MREG: variants seen among roughly 807,000 people sequenced by gnomAD.
The protein encoded by MREG is dilute suppressor protein homolog.
MREG carries 31 observed loss-of-function variants against 28.5 expected under a neutral mutation model. The observed-to-expected ratio is 1.09, with a 90% CI of 0.82 to 1.47. The LOEUF is 1.47. MREG is among the 40% of genes most tolerant of loss of function. The pLI is 0.00. For missense variants in MREG, 256 were observed against 257.4 expected (o/e 0.99, Z 0.04); for synonymous variants, 106 against 95.2 (o/e 1.11, Z -0.66).
intron 1 of MREG, among the ~76,000 whole-genome samples, chr2:216,002,740 T>C (rs1369241119): frequency 6.6e-6 from 1 of 152,150 alleles, no homozygotes; most frequent in East Asian, 1.9e-4. Context: ...ATCTTCTCCC[T>C]CTCCATCCTC....
intron 2 of MREG, among the ~76,000 whole-genome samples, chr2:215,949,072 CTACTACTACTACTACTAATAA>C (rs1692403167): frequency 8.7e-6 from 1 of 115,592 alleles, no homozygotes; most frequent in African/African-American, 3.0e-5. Flanking sequence ...ACTACTACTA[CTACTACTACTACTACTAATAA>C]TAATAATAAT....
intron 1 of MREG, among the ~76,000 whole-genome samples, chr2:216,029,219 C>T (rs1300972147): frequency 6.6e-6 from 1 of 152,126 alleles, no homozygotes; most frequent in East Asian, 1.9e-4. Context: ...GTGGCTCACG[C>T]CTGTAATCCC....
chr2:215,946,388 C>T (rs72946730), intron 3 of MREG, among the ~76,000 whole-genome samples: 30,185 of 151,844 alleles, frequency 0.2, 3,065 homozygotes, highest in Middle Eastern at 0.28. Context: ...AGATGTCATG[C>T]TCTCTTTCAA....
intron 2 of MREG, among the ~76,000 whole-genome samples, chr2:215,995,089 T>C (rs1049986790): frequency 6.6e-6 from 1 of 152,212 alleles, no homozygotes; most frequent in African/African-American, 2.4e-5. Context: ...CCCAATTATA[T>C]GCTCACAAAG....
chr2:215,988,065 C>T (rs1345566783), intron 2 of MREG, among the ~76,000 whole-genome samples: 2 of 152,042 alleles, frequency 1.3e-5, no homozygotes, highest in Admixed American at 6.5e-5. Context: ...TACAGTCGAG[C>T]CTGATTTTAT....
At position 215,944,596 on chromosome 2, in the gene MREG, G is replaced by A. The variant is rs896949858; in HGVS notation, c.*267C>T. 1.2e-4 allele frequency: 32 copies of A among 277,264 alleles called. No individual in the cohort carries two copies. The highest frequency in any genetic ancestry group is 6.7e-4 in the African/African-American group (31 of 46,416). 17.2% of individuals were successfully genotyped at this position (277,264 alleles called of 1,614,324 possible). A position where few individuals can be genotyped will look rare whatever the true frequency, so the allele number is the denominator to read the frequency against. ...CCAAAGCTGGGGCAATGGGCTCTCA[G>A]AATGGAACCACCCATTATGAACTAT... On this transcript the variant is annotated 3_prime_UTR_variant, in exon 5 of 5. Coordinates refer to ENST00000263268, the MANE Select transcript of MREG (RefSeq NM_018000.3).
At chr2:216,020,310 G>A (rs893304201) in intron 1 of MREG, among the ~76,000 whole-genome samples, 8 of 152,136 alleles carry the variant, frequency 5.3e-5, no homozygotes, top group Non-Finnish European at 8.8e-5. Context: ...CTGGATCCAG[G>A]CCCTCCAAAG....
intron 2 of MREG, among the ~76,000 whole-genome samples, chr2:215,977,544 C>T (rs887050487): frequency 6.6e-6 from 1 of 152,230 alleles, no homozygotes; most frequent in Non-Finnish European, 1.5e-5. Context: ...TAGACATCTA[C>T]AGAACTCTCC....
At chr2:215,965,586 CTTG>C (rs1218323929) in intron 2 of MREG, among the ~76,000 whole-genome samples, 1 of 152,242 alleles carries the variant, frequency 6.6e-6, no homozygotes, top group East Asian at 1.9e-4. Context: ...CCAAAAGCTT[CTTG>C]TTGTAGTGGT....
intron 1 of MREG, among the ~76,000 whole-genome samples, chr2:216,005,967 G>A (rs1219967044): frequency 1.3e-5 from 2 of 151,962 alleles, no homozygotes; most frequent in African/African-American, 4.8e-5. Context: ...AGAATAGAGT[G>A]CATGGTATAT....
chr2:215,943,838 C>CAAAAAAAAAAA lies in MREG; in HGVS notation c.*1014_*1024dup, dbSNP rs1172682973. The CAAAAAAAAAAA allele has an allele frequency of 2.1e-5, 1 of 47,200 alleles. No individual in the cohort carries two copies. The allele number at this position is 47,200 out of a possible 1,614,324, so 2.9% of individuals were successfully genotyped here. ...CCTGGGCGACAGAGCGAGAGTCCAT[C>CAAAAAAAAAAA]AAAAAAAAAAAAAAAAAAAAAAAGA... On this transcript the variant is annotated 3_prime_UTR_variant, in exon 5 of 5. Coordinates refer to ENST00000263268, the MANE Select transcript of MREG (RefSeq NM_018000.3).
At chr2:216,025,617 T>C (rs113974838) in intron 1 of MREG, among the ~76,000 whole-genome samples, 1 of 152,346 alleles carries the variant, frequency 6.6e-6, no homozygotes, top group Non-Finnish European at 1.5e-5. Context: ...GTCCCCTCCA[T>C]GACAATCAGT....
intron 2 of MREG, among the ~76,000 whole-genome samples, chr2:215,971,606 A>G (rs1455528439): frequency 6.6e-6 from 1 of 152,252 alleles, no homozygotes; most frequent in Non-Finnish European, 1.5e-5. Flanking sequence ...GCCCTGTGTC[A>G]GATGAGAAGT....
chr2:216,031,661 AAG>A (rs753983198), intron 1 of MREG, among the ~76,000 whole-genome samples: 5 of 72,110 alleles, frequency 6.9e-5, no homozygotes, highest in African/African-American at 1.1e-4. Flanking sequence ...GAAAGAAAGA[AAG>A]AAAGAAAGAA....
chr2:216,025,822 C>A (rs1694588066), intron 1 of MREG, among the ~76,000 whole-genome samples: 1 of 152,368 alleles, frequency 6.6e-6, no homozygotes, highest in Non-Finnish European at 1.5e-5. Flanking sequence ...GCACCGAAAT[C>A]CATCCGTGTG....
rs192725905 is a variant in MREG, at chr2:215,952,608, C to T, written c.256-5495G>A. 2.9e-3 allele frequency among the ~76,000 whole-genome samples: 438 copies of T among 152,142 alleles called. 6 individuals carry two copies. Among genetic ancestry groups the T allele is most frequent in the East Asian group, 2.5e-3 (13 of 5,186 alleles). ...ATACACTTAAAGAAATATGTTCTAACAATAATTTACATATATTTTAAACCA... is the reference window on the plus strand; with the variant it reads ...ATACACTTAAAGAAATATGTTCTAATAATAATTTACATATATTTTAAACCA... On this transcript the variant is annotated intron_variant, in intron 2 of 4. Coordinates refer to ENST00000263268, the MANE Select transcript of MREG (RefSeq NM_018000.3).
chr2:215,996,524 C>A, intron 1 of MREG, 59 bp from the exon 2 acceptor site: 1 of 1,218,054 alleles, frequency 8.2e-7, no homozygotes, highest in Non-Finnish European at 1.2e-6. Context: ...TGTTATATGT[C>A]ATATGCATGC....
chr2:216,014,026 T>C (rs1334037799), upstream of MREG, among the ~76,000 whole-genome samples: 1 of 152,176 alleles, frequency 6.6e-6, no homozygotes, highest in African/African-American at 2.4e-5. Flanking sequence ...TTTCCAGAGC[T>C]ATTTATATAT....
Position 215,996,679 on chromosome 2 carries a change from A to C in MREG, c.96-214T>G, listed in dbSNP as rs115169871. Among the ~76,000 whole-genome samples the C allele has an allele frequency of 9.4e-3, 1,431 of 152,362 alleles. 24 individuals carry two copies. Among genetic ancestry groups the C allele is most frequent in the African/African-American group, 0.033 (1,376 of 41,568 alleles). On this transcript the variant is annotated intron_variant, in intron 1 of 4. Coordinates refer to ENST00000263268, the MANE Select transcript of MREG (RefSeq NM_018000.3). ...ATAAATAAATCACTTTAAAAAGAACAGAGAACAGACGTACCTGAGCAGAGG... is the reference window on the plus strand; with the variant it reads ...ATAAATAAATCACTTTAAAAAGAACCGAGAACAGACGTACCTGAGCAGAGG...
Sources: gnomAD v4.1 joint callset for allele counts (sites outside exome capture counted in the v4.1 genomes callset) on GRCh38, gnomAD v4.1.1 for gene constraint, MANE v1.5 for transcripts, NCBI Gene and HGNC (gene_info 2026-07-23, HGNC 2026-07-21) for gene names.